Variants in EYS observed in about 807,000 individuals in gnomAD.
The protein encoded by EYS is EGF-like photoreceptor maintenance factor, also known as protein eyes shut homolog.
EYS carries 250 observed loss-of-function variants against 282.1 expected under a neutral mutation model. That is an observed-to-expected ratio of 0.89 (90% CI 0.80 to 0.98). The LOEUF is 0.98. Ranked by LOEUF, EYS falls within the 50% of genes least tolerant of loss-of-function variation. The pLI, the probability that EYS is intolerant of heterozygous loss-of-function variation, is 0.00. For synonymous variants in EYS, 1,355 were observed against 1,282.9 expected (o/e 1.06, Z -1.20); for missense variants, 4,016 against 3,709.0 (o/e 1.08, Z -2.15).
At chr6:64,827,222 C>T (rs1765087442) in intron 19 of EYS, among the ~76,000 whole-genome samples, 1 of 151,792 alleles carries the variant, frequency 6.6e-6, no homozygotes, top group African/African-American at 2.4e-5. Flanking sequence ...ATAGTTCTGC[C>T]TGAAATGTCA....
chr6:64,440,637 A>G lies in EYS; in HGVS notation c.5645-1285T>C, dbSNP rs141384559. 1.4e-3 allele frequency among the ~76,000 whole-genome samples: 206 copies of G among 152,242 alleles called. 1 individual carries two copies. Among genetic ancestry groups the G allele is most frequent in the East Asian group, 8.9e-3 (46 of 5,190 alleles). On this transcript the variant is annotated intron_variant, in intron 26 of 42. Transcript: ENST00000503581. ...CATGTAGCGTTTCAATGGTGATGTT[A>G]AAAGCATAATACAATAACATTTTAA...
chr6:63,864,086 A>C (rs894564875), intron 36 of EYS, 100 bp downstream of exon 36: 10 of 1,109,936 alleles, frequency 9.0e-6, no homozygotes, highest in Non-Finnish European at 1.2e-5. Flanking sequence ...GATTTGATGT[A>C]TTTGATCAGT....
chr6:64,482,405 T>A (rs1307450988), intron 26 of EYS, among the ~76,000 whole-genome samples: 1 of 151,798 alleles, frequency 6.6e-6, no homozygotes, highest in Non-Finnish European at 1.5e-5. Context: ...TATATATGTG[T>A]AAGTTAGCCA....
chr6:65,687,313 T>C (rs1769058555), intron 1 of EYS, among the ~76,000 whole-genome samples: 1 of 152,082 alleles, frequency 6.6e-6, no homozygotes, highest in South Asian at 2.1e-4. Context: ...TTTCAGGATC[T>C]ATAAACATAA....
chr6:65,260,268 C>T (rs1249627695), intron 12 of EYS, among the ~76,000 whole-genome samples: 2 of 151,996 alleles, frequency 1.3e-5, no homozygotes, highest in Non-Finnish European at 1.5e-5. Flanking sequence ...TGGTCTCTCC[C>T]TTGACATGTG....
At chr6:65,604,311 C>A (rs962355050) in intron 2 of EYS, among the ~76,000 whole-genome samples, 1 of 151,824 alleles carries the variant, frequency 6.6e-6, no homozygotes, top group African/African-American at 2.4e-5. Context: ...GAATTAGATA[C>A]CAGAAGACTA....
intron 41 of EYS, among the ~76,000 whole-genome samples, chr6:63,729,275 TCTCA>T (rs1051776991): frequency 6.6e-6 from 1 of 152,158 alleles, no homozygotes; most frequent in African/African-American, 2.4e-5. Context: ...TGGCTTGTAT[TCTCA>T]CTCTCTTTCA....
At chr6:64,611,431 C>A (rs1461411092) in intron 24 of EYS, among the ~76,000 whole-genome samples, 1 of 152,104 alleles carries the variant, frequency 6.6e-6, no homozygotes, top group Non-Finnish European at 1.5e-5. Context: ...ATATTACTAC[C>A]AAATAAGCGT....
At chr6:64,698,750 GA>G (rs1770674240) in intron 22 of EYS, among the ~76,000 whole-genome samples, 1 of 152,116 alleles carries the variant, frequency 6.6e-6, no homozygotes, top group African/African-American at 2.4e-5. Flanking sequence ...CATCATCAGA[GA>G]AATGCAAATC....
intron 9 of EYS, 92 bp downstream of exon 9, chr6:65,353,366 T>G: frequency 9.3e-7 from 1 of 1,079,498 alleles, no homozygotes; most frequent in Non-Finnish European, 1.4e-6. Context: ...TTTTGAGATA[T>G]AAAATACTTT....
At chr6:65,455,947 A>G (rs1220012096) in intron 5 of EYS, among the ~76,000 whole-genome samples, 1 of 151,566 alleles carries the variant, frequency 6.6e-6, no homozygotes, top group Non-Finnish European at 1.5e-5. Context: ...GGATGCAGGA[A>G]AGACGGAAGG....
intron 5 of EYS, among the ~76,000 whole-genome samples, chr6:65,422,547 C>T (rs974321852): frequency 2.0e-5 from 3 of 151,530 alleles, no homozygotes; most frequent in African/African-American, 4.8e-5. Context: ...AATGCAAATG[C>T]CCAATAAACA....
chr6:65,201,758 C>A (rs1315969063), intron 12 of EYS, among the ~76,000 whole-genome samples: 2 of 152,040 alleles, frequency 1.3e-5, no homozygotes, highest in African/African-American at 4.8e-5. Context: ...GAACAGATGT[C>A]ATTGCTTGTG....
intron 5 of EYS, among the ~76,000 whole-genome samples, chr6:65,409,807 C>T (rs1766905666): frequency 6.6e-6 from 1 of 151,962 alleles, no homozygotes; most frequent in Admixed American, 6.6e-5. Context: ...AGCCAGAAAA[C>T]ACTGCTTAGA....
intron 31 of EYS, among the ~76,000 whole-genome samples, chr6:64,211,656 A>G (rs1226923771): frequency 6.9e-6 from 1 of 144,932 alleles, no homozygotes; most frequent in South Asian, 2.2e-4. Flanking sequence ...TTTTGCTAAA[A>G]TTTAGCAAAA....
intron 32 of EYS, among the ~76,000 whole-genome samples, chr6:64,076,842 T>A (rs1402928769): frequency 2.0e-5 from 3 of 151,958 alleles, no homozygotes. Context: ...AAAATGAATC[T>A]CTGTGCAAGT....
intron 26 of EYS, among the ~76,000 whole-genome samples, chr6:64,447,762 T>C (rs1172399865): frequency 6.6e-6 from 1 of 152,206 alleles, no homozygotes; most frequent in Non-Finnish European, 1.5e-5. Flanking sequence ...AAATAGATTA[T>C]TGCAAGGGAA....
At chr6:65,087,776 T>C (rs1434889684) in intron 12 of EYS, among the ~76,000 whole-genome samples, 1 of 152,288 alleles carries the variant, frequency 6.6e-6, no homozygotes, top group East Asian at 1.9e-4. Flanking sequence ...CTGATCACAT[T>C]CTTCATATTC....
intron 11 of EYS, among the ~76,000 whole-genome samples, chr6:65,299,026 C>G (rs1443646819): frequency 6.6e-6 from 1 of 152,010 alleles, no homozygotes; most frequent in Non-Finnish European, 1.5e-5. Context: ...AAATCCCTTG[C>G]AAAATTGGCC....
Sources: allele counts gnomAD v4.1 joint callset (sites outside exome capture counted in the v4.1 genomes callset), GRCh38; gene constraint gnomAD v4.1.1; transcripts MANE v1.5; gene names NCBI Gene and HGNC (gene_info 2026-07-23, HGNC 2026-07-21).